Variants in ADGRV1 observed in about 807,000 individuals in gnomAD.
ADGRV1 encodes the protein G-protein coupled receptor 98.
ADGRV1 carries 359 observed loss-of-function variants against 596.2 expected under a neutral mutation model. That is an observed-to-expected ratio of 0.60 (90% confidence interval 0.55 to 0.66). The LOEUF (loss-of-function observed/expected upper bound fraction) is 0.66, where lower values mean the gene tolerates loss of function less well. Ranked by LOEUF, ADGRV1 falls within the 30% of genes least tolerant of loss-of-function variation. The pLI, the probability that ADGRV1 is intolerant of heterozygous loss-of-function variation, is 0.00. For missense variants in ADGRV1, 7,274 were observed against 7,575.6 expected, an observed-to-expected ratio of 0.96 and a Z score of 1.48; for synonymous variants, 2,681 against 2,679.2, an observed-to-expected ratio of 1.00 and a Z score of -0.02.
At position 90,959,880 on chromosome 5, in the gene ADGRV1, C is replaced by T. The variant is rs147156039; in HGVS notation, c.17857-5535C>T. 2.5e-3 allele frequency among the ~76,000 whole-genome samples: 375 copies of T among 152,272 alleles called. 4 individuals are homozygous for T. The highest frequency in any genetic ancestry group is 8.7e-3 in the African/African-American group (361 of 41,562). On this transcript the variant is annotated intron_variant, in intron 83 of 89. Coordinates refer to ENST00000405460, the MANE Select transcript of ADGRV1 (RefSeq NM_032119.4). ...AGTGTCTGGGCGCAGTGGCTCACGC[C>T]TGTAATCCCAGCACTTTGGGAGGCT...
intron 79 of ADGRV1, among the ~76,000 whole-genome samples, chr5:90,849,200 TTGTTC>T (rs1766230223): frequency 6.6e-6 from 1 of 152,202 alleles, no homozygotes; most frequent in African/African-American, 2.4e-5. Context: ...ACAACTGTGA[TTGTTC>T]TGTCCATTTG....
intron 1 of ADGRV1, among the ~76,000 whole-genome samples, chr5:90,568,872 T>G (rs1425669231): frequency 6.6e-6 from 1 of 152,192 alleles, no homozygotes; most frequent in East Asian, 1.9e-4. Flanking sequence ...ATATCCTTCT[T>G]TGTCTGTAGC....
In ADGRV1 at chr5:90,751,698, T is replaced by A. The variant is rs1472569166; in HGVS notation, c.11121+1001T>A. Among the ~76,000 whole-genome samples the A allele has an allele frequency of 2.0e-5, 3 of 152,158 alleles. No homozygotes were observed. The East Asian group carries it at 5.8e-4, about 29-fold the overall frequency. ...TGGCCCAAATGCTTCTCTGAAGAGT[T>A]CTTTTAAAGGAACTCTCATGGAACT... On this transcript the variant is annotated intron_variant, in intron 53 of 89. Transcript: ENST00000405460.
At chr5:90,622,220 C>G (rs1764179444) in intron 4 of ADGRV1, among the ~76,000 whole-genome samples, 1 of 152,152 alleles carries the variant, frequency 6.6e-6, no homozygotes, top group African/African-American at 2.4e-5. Context: ...AAGTGGTGGT[C>G]CCAGTGACCT....
At chr5:90,704,296 G>A (rs1024857880) in intron 35 of ADGRV1, 93 bp from the exon 36 acceptor site, 57 of 766,056 alleles carry the variant, frequency 7.4e-5, no homozygotes, top group East Asian at 4.2e-4. Context: ...AAATATATTT[G>A]CCTGCACAAT....
intron 1 of ADGRV1, among the ~76,000 whole-genome samples, chr5:90,564,387 G>A (rs1755262903): frequency 6.6e-6 from 1 of 152,118 alleles, no homozygotes; most frequent in African/African-American, 2.4e-5. Flanking sequence ...AAGAGAGGGA[G>A]TGGAAAAAGG....
chr5:90,686,167 G>T (rs529384741), intron 29 of ADGRV1, among the ~76,000 whole-genome samples, 172 bp downstream of exon 29: 2 of 149,824 alleles, frequency 1.3e-5, no homozygotes, highest in East Asian at 2.0e-4. Context: ...TTTTTTGGGG[G>T]GGGGGATGGA....
intron 86 of ADGRV1, among the ~76,000 whole-genome samples, chr5:91,074,543 A>G (rs979549524): frequency 2.0e-5 from 3 of 152,202 alleles, no homozygotes; most frequent in African/African-American, 7.2e-5. Context: ...CATGGTGTAT[A>G]TGTACCACAT....
In ADGRV1 at chr5:90,712,775, ATTCTACCTTTGTAGAATTAC is replaced by A. The variant is rs1749546430; in HGVS notation, c.9184+350_9184+369del. ...AATAGAAGGAATTACAAAGGTAGTA[ATTCTACCTTTGTAGAATTAC>A]TTTGTACCTTTGTACAAAGGAGTAA... On this transcript the variant is annotated intron_variant, in intron 42 of 89. Transcript: ENST00000405460. 2.0e-5 allele frequency among the ~76,000 whole-genome samples: 3 copies of A among 152,102 alleles called. No homozygotes were observed. The South Asian group carries it at 6.2e-4, about 32-fold the overall frequency.
chr5:90,855,665 A>C, intron 81 of ADGRV1, 76 bp from the exon 82 acceptor site: 1 of 988,612 alleles, frequency 1.0e-6, no homozygotes, highest in Non-Finnish European at 1.5e-6. Flanking sequence ...TCAGTAAGCT[A>C]TTTTTCTTTA....
At position 90,705,386 on chromosome 5, in the gene ADGRV1, C is replaced by A. The variant is rs1327249072; in HGVS notation, c.8387-14C>A. The stretch of plus-strand genomic sequence containing the variant: ...ATGCCAAATCACTGTTAGATTCCTG[C>A]CTGACATTTTTAGGAGTTCCACCAG... On this transcript the variant is annotated splice_polypyrimidine_tract_variant and intron_variant, in intron 36 of 89. Coordinates refer to ENST00000405460, the MANE Select transcript of ADGRV1 (RefSeq NM_032119.4). 6.2e-7 allele frequency: 1 copy of A among 1,611,356 alleles called. No individual in the cohort carries two copies. Among genetic ancestry groups the A allele is most frequent in the East Asian group, 2.2e-5 (1 of 44,870 alleles).
chr5:90,993,253 G>A (rs985618031), intron 85 of ADGRV1, among the ~76,000 whole-genome samples: 1 of 149,384 alleles, frequency 6.7e-6, no homozygotes, highest in African/African-American at 2.5e-5. Flanking sequence ...CCTCCTCCCA[G>A]GTTCAAGTGA....
At chr5:90,596,099 C>G (rs1465544569) in intron 1 of ADGRV1, among the ~76,000 whole-genome samples, 1 of 150,646 alleles carries the variant, frequency 6.6e-6, no homozygotes, top group Non-Finnish European at 1.5e-5. Context: ...AGACGCTCCT[C>G]AACTCCCAGA....
intron 77 of ADGRV1, among the ~76,000 whole-genome samples, chr5:90,832,455 T>C (rs1329266383): frequency 6.6e-6 from 1 of 152,150 alleles, no homozygotes; most frequent in Non-Finnish European, 1.5e-5. Flanking sequence ...GATTATTACA[T>C]TTTTACTCAT....
chr5:91,030,431 G>A (rs901237945), intron 85 of ADGRV1, among the ~76,000 whole-genome samples: 37 of 152,038 alleles, frequency 2.4e-4, no homozygotes, highest in African/African-American at 8.9e-4. Context: ...AGTTCTTTGT[G>A]TGTAAAGATT....
intron 75 of ADGRV1, among the ~76,000 whole-genome samples, chr5:90,818,218 CTGT>C (rs1231441344): frequency 6.6e-6 from 1 of 151,522 alleles, no homozygotes; most frequent in African/African-American, 2.4e-5. Context: ...CTCTGTTTGT[CTGT>C]TGTTGGTGTG....
At chr5:90,727,442 A>G (rs2149805736) in intron 48 of ADGRV1, among the ~76,000 whole-genome samples, 1 of 152,178 alleles carries the variant, frequency 6.6e-6, no homozygotes, top group South Asian at 2.1e-4. Flanking sequence ...ACACCATTAT[A>G]GTGTCCTCCT....
intron 59 of ADGRV1, among the ~76,000 whole-genome samples, chr5:90,766,085 A>AT (rs372498829): frequency 2.0e-5 from 3 of 151,564 alleles, no homozygotes; most frequent in Non-Finnish European, 4.4e-5. Flanking sequence ...AATTTTTTGT[A>AT]TTTTTTAGTG....
intron 21 of ADGRV1, among the ~76,000 whole-genome samples, chr5:90,664,220 C>T (rs371621934): frequency 1.5e-4 from 22 of 144,492 alleles, no homozygotes; most frequent in Admixed American, 1.4e-3. Context: ...GCCATTTTCA[C>T]GATATTGATT....
Sources: allele counts gnomAD v4.1 joint callset (sites outside exome capture counted in the v4.1 genomes callset), GRCh38; gene constraint gnomAD v4.1.1; transcripts MANE v1.5; gene names NCBI Gene and HGNC (gene_info 2026-07-23, HGNC 2026-07-21).